Variants in DIP2C observed in about 807,000 individuals in gnomAD.
DIP2C encodes disco-interacting protein 2 homolog C.
In DIP2C, 33 loss-of-function variants were observed where a neutral mutation model predicts 192.4. The observed-to-expected ratio is 0.17, with a 90% CI of 0.13 to 0.23. The LOEUF (loss-of-function observed/expected upper bound fraction) is 0.23. Ranked by LOEUF, DIP2C falls within the 10% of genes least tolerant of loss-of-function variation. The pLI is 1.00. For synonymous variants in DIP2C, 979 were observed against 864.1 expected (o/e 1.13, Z -2.33); for missense variants, 1,537 against 2,110.1 (o/e 0.73, Z 5.32).
At chr10:567,686 G>A (rs1161879691) in intron 1 of DIP2C, among the ~76,000 whole-genome samples, 2 of 152,072 alleles carry the variant, frequency 1.3e-5, no homozygotes, top group African/African-American at 4.8e-5. Context: ...TGTCCAGGCT[G>A]GAATGCAGTG....
intron 10 of DIP2C, among the ~76,000 whole-genome samples, chr10:394,990 C>T (rs1963859248): frequency 6.6e-6 from 1 of 151,826 alleles, no homozygotes; most frequent in African/African-American, 2.4e-5. Context: ...TATGCTGAAC[C>T]AGGACATTAG....
At chr10:644,406 A>G (rs1237966083) in intron 1 of DIP2C, among the ~76,000 whole-genome samples, 2 of 152,278 alleles carry the variant, frequency 1.3e-5, no homozygotes, top group East Asian at 3.8e-4. Flanking sequence ...CCCTCTGGAT[A>G]ATAGTTGAGA....
At chr10:415,424 C>A (rs554393085) in intron 7 of DIP2C, among the ~76,000 whole-genome samples, 2 of 152,174 alleles carry the variant, frequency 1.3e-5, no homozygotes, top group African/African-American at 4.8e-5. Context: ...GCACTTCACA[C>A]GCCAGTTTTG....
intron 36 of DIP2C, among the ~76,000 whole-genome samples, chr10:280,708 G>A (rs1376882283): frequency 1.3e-5 from 2 of 152,242 alleles, no homozygotes; most frequent in African/African-American, 2.4e-5. Flanking sequence ...CAGCAGGTGC[G>A]ACGCACACAC....
chr10:579,101 T>C (rs1350915843), intron 1 of DIP2C, among the ~76,000 whole-genome samples: 2 of 152,206 alleles, frequency 1.3e-5, no homozygotes, highest in South Asian at 2.1e-4. Flanking sequence ...TGCAGATCCA[T>C]GTAGTGTAGG....
intron 32 of DIP2C, among the ~76,000 whole-genome samples, chr10:303,973 T>G (rs910056379): frequency 6.6e-6 from 1 of 152,172 alleles, no homozygotes; most frequent in African/African-American, 2.4e-5. Context: ...GGCAATGACA[T>G]GCACAGAGCC....
intron 10 of DIP2C, among the ~76,000 whole-genome samples, chr10:396,352 C>T (rs1347888894): frequency 5.3e-5 from 8 of 152,148 alleles, no homozygotes; most frequent in African/African-American, 1.9e-4. Context: ...AAAACCACCT[C>T]CCCCCTTTAT....
At chr10:417,924 T>C (rs61837185) in intron 6 of DIP2C, among the ~76,000 whole-genome samples, 2 of 26,236 alleles carry the variant, frequency 7.6e-5, no homozygotes, top group Non-Finnish European at 9.3e-5. Context: ...GTCCACCTGT[T>C]CCTGTCAGGG....
chr10:623,376 A>G (rs909180795), intron 1 of DIP2C, among the ~76,000 whole-genome samples: 43 of 150,810 alleles, frequency 2.9e-4, no homozygotes, highest in African/African-American at 1.0e-3. Flanking sequence ...GGGAATGGGC[A>G]CAGGCGTCTC....
At chr10:546,088 CCT>C (rs373331637) in intron 1 of DIP2C, among the ~76,000 whole-genome samples, 8 of 152,040 alleles carry the variant, frequency 5.3e-5, no homozygotes, top group Middle Eastern at 6.8e-3. Context: ...TCCAGACCGG[CCT>C]GACCAACATG....
chr10:590,599 A>G (rs1851342178), intron 1 of DIP2C, among the ~76,000 whole-genome samples: 1 of 152,240 alleles, frequency 6.6e-6, no homozygotes, highest in Non-Finnish European at 1.5e-5. Context: ...CACCCTGACC[A>G]TGCCAGATGA....
At chr10:619,261 C>T (rs1436233907) in intron 1 of DIP2C, among the ~76,000 whole-genome samples, 3 of 152,224 alleles carry the variant, frequency 2.0e-5, no homozygotes, top group Admixed American at 1.3e-4. Context: ...TCACCCCAAA[C>T]TTAGTGCCCC....
chr10:584,148 C>A (rs1018645679), intron 1 of DIP2C, among the ~76,000 whole-genome samples: 108 of 152,210 alleles, frequency 7.1e-4, no homozygotes, highest in African/African-American at 2.3e-3. Context: ...GCTAACTGCA[C>A]CCCCACATAA....
intron 1 of DIP2C, among the ~76,000 whole-genome samples, chr10:510,368 A>G (rs565616697): frequency 3.2e-4 from 48 of 152,356 alleles, no homozygotes; most frequent in African/African-American, 1.1e-3. Flanking sequence ...ATTTTAAGTG[A>G]CTAATCATAG....
At chr10:349,221 C>T in intron 25 of DIP2C, 110 bp downstream of exon 25, 1 of 1,459,754 alleles carries the variant, frequency 6.9e-7, no homozygotes, top group Non-Finnish European at 9.2e-7. Context: ...GTGCAGACTC[C>T]CAGCCATGAC....
chr10:524,328 G>C (rs943811089), intron 1 of DIP2C, among the ~76,000 whole-genome samples: 1 of 152,144 alleles, frequency 6.6e-6, no homozygotes, highest in African/African-American at 2.4e-5. Context: ...TCCCTGCTCA[G>C]ATGCAAAAAG....
chr10:578,098 T>C (rs534345535), intron 1 of DIP2C, among the ~76,000 whole-genome samples: 37 of 152,360 alleles, frequency 2.4e-4, no homozygotes, highest in South Asian at 6.2e-4. Context: ...TTGCACAAAG[T>C]CCTTATTTTC....
At chr10:375,405 T>C (rs1388692726) in intron 17 of DIP2C, among the ~76,000 whole-genome samples, 2 of 152,190 alleles carry the variant, frequency 1.3e-5, no homozygotes, top group Non-Finnish European at 2.9e-5. Context: ...TCTTACAGCC[T>C]ACAGAACTGT....
chr10:324,362 T>C (rs1223952981), intron 31 of DIP2C, among the ~76,000 whole-genome samples: 1 of 152,222 alleles, frequency 6.6e-6, no homozygotes, highest in Non-Finnish European at 1.5e-5. Flanking sequence ...GCATGGCATC[T>C]GTGCCACATC....
Sources: allele counts gnomAD v4.1 joint callset (sites outside exome capture counted in the v4.1 genomes callset), GRCh38; gene constraint gnomAD v4.1.1; transcripts MANE v1.5; gene names NCBI Gene and HGNC (gene_info 2026-07-23, HGNC 2026-07-21).